ASCC3: variants seen among roughly 807,000 people sequenced by gnomAD.
The protein encoded by ASCC3 is activating signal cointegrator 1 complex subunit 3, also known as ASC-1 complex subunit P200.
A neutral mutation model predicts 256.3 loss-of-function variants in ASCC3; 158 were observed. The observed-to-expected ratio is 0.62, with a 90% CI of 0.54 to 0.70. ASCC3 has a LOEUF of 0.70. Among genes scored for constraint, ASCC3 ranks in the 30% least tolerant of loss-of-function variants. The probability of loss-of-function intolerance (pLI) is 0.00; values close to 1 mark genes in which losing one functional copy is unlikely to be tolerated. For synonymous variants in ASCC3, 948 were observed against 883.4 expected (o/e 1.07, Z -1.30); for missense variants, 2,259 against 2,626.0 (o/e 0.86, Z 3.05).
chr6:100,829,792 T>G (rs1771531123), intron 4 of ASCC3, among the ~76,000 whole-genome samples: 1 of 152,162 alleles, frequency 6.6e-6, no homozygotes, highest in Non-Finnish European at 1.5e-5. Flanking sequence ...GTATAATTTA[T>G]AAATTAGCCA....
intron 19 of ASCC3, among the ~76,000 whole-genome samples, chr6:100,651,072 C>CA (rs149417114): frequency 0.03 from 4,566 of 151,756 alleles, 76 homozygotes; most frequent in African/African-American, 0.055. Flanking sequence ...TGGATTAGGG[C>CA]AACTTGAATT....
At position 100,552,061 on chromosome 6, in the gene ASCC3, G is replaced by A. The variant is rs554434379; in HGVS notation, c.5551-11674C>T. ...TCCCAAATTTCTTATCTTAAATTTG[G>A]GTTTGGTGTGAGAATTCAATATGAT... On this transcript the variant is annotated intron_variant, in intron 36 of 41. Transcript: ENST00000369162. 1.3e-4 allele frequency among the ~76,000 whole-genome samples: 20 copies of A among 151,692 alleles called. No individual in the cohort carries two copies. The South Asian group carries it at 3.3e-3, about 25-fold the overall frequency.
At position 100,605,641 on chromosome 6, in the gene ASCC3, C is replaced by T. The variant is rs1562158088; in HGVS notation, c.5104G>A (p.Val1702Ile). The T allele has an allele frequency of 6.2e-7, 1 of 1,608,882 alleles. No individual in the cohort carries two copies. Among genetic ancestry groups the T allele is most frequent in the Non-Finnish European group, 8.5e-7 (1 of 1,175,452 alleles). Residue 1702 changes from valine (V) to isoleucine (I), a missense_variant, in exon 33 of 42, where the codon GTA becomes ATA. By Grantham distance (29) the Val-to-Ile change is conservative (BLOSUM62 3). Transcript: ENST00000369162. ...RPQFDDQGKA[V>I]ILVHDIKKDF... ...TTCTTTATGTCATGAACTAGAATTA[C>T]AGCTTTGCCTTGGTCATCGAACTGC...
At chr6:100,694,328 C>G (rs907600981) in intron 13 of ASCC3, among the ~76,000 whole-genome samples, 7 of 149,068 alleles carry the variant, frequency 4.7e-5, no homozygotes, top group Admixed American at 3.3e-4. Flanking sequence ...AAAAAAAAAG[C>G]TGGGCACAGT....
At chr6:100,830,439 G>A (rs1319153796) in intron 4 of ASCC3, among the ~76,000 whole-genome samples, 1 of 152,018 alleles carries the variant, frequency 6.6e-6, no homozygotes, top group Admixed American at 6.5e-5. Context: ...ACATTTCATG[G>A]TAGACAATCA....
chr6:100,724,283 A>G (rs1779517366), intron 11 of ASCC3, among the ~76,000 whole-genome samples: 1 of 150,580 alleles, frequency 6.6e-6, no homozygotes, highest in Non-Finnish European at 1.5e-5. Flanking sequence ...TAGAATCAAA[A>G]GTTAAAAAAA....
chr6:100,682,803 T>C (rs1418184606), intron 13 of ASCC3, among the ~76,000 whole-genome samples: 2 of 152,194 alleles, frequency 1.3e-5, no homozygotes, highest in Non-Finnish European at 2.9e-5. Flanking sequence ...TTTGTTATTT[T>C]TAGTGTGTTA....
At chr6:100,697,559 T>G (rs1160247378) in intron 13 of ASCC3, among the ~76,000 whole-genome samples, 1 of 151,832 alleles carries the variant, frequency 6.6e-6, no homozygotes, top group African/African-American at 2.4e-5. Flanking sequence ...AAAAAAAACA[T>G]TTTCAAGAAA....
intron 36 of ASCC3, among the ~76,000 whole-genome samples, chr6:100,568,640 T>G (rs1458776998): frequency 6.6e-6 from 1 of 151,822 alleles, no homozygotes; most frequent in Non-Finnish European, 1.5e-5. Flanking sequence ...TTCTGTAGGT[T>G]GTCTGTTTGG....
chr6:100,675,003 G>A (rs1202680103), intron 14 of ASCC3, among the ~76,000 whole-genome samples: 1 of 152,108 alleles, frequency 6.6e-6, no homozygotes, highest in East Asian at 1.9e-4. Flanking sequence ...ATGTTAAAAA[G>A]GCAGAGTGTG....
At chr6:100,562,245 G>T (rs1157621511) in intron 36 of ASCC3, among the ~76,000 whole-genome samples, 1 of 151,974 alleles carries the variant, frequency 6.6e-6, no homozygotes, top group Non-Finnish European at 1.5e-5. Flanking sequence ...TATTTTATTT[G>T]GTAGTAACAA....
chr6:100,516,321 C>T lies in ASCC3; in HGVS notation c.5934G>A (p.Trp1978Ter). The change falls in exon 39 of 42, where the codon TGG becomes TGA. Residue 1978 changes from tryptophan (W) to a stop codon, truncating the protein, a stop_gained. Transcript: ENST00000369162. LOFTEE classifies it high-confidence loss of function. ...CATGTGGGCCCTTCATAATCGGCTT[C>T]CATTTCCTAGGAAATAATATCAAAC... ...ENHHLHLFKK[W>*]KPIMKGPHAR... The T allele has an allele frequency of 6.2e-7, 1 of 1,613,610 alleles. No homozygotes were observed. The highest frequency in any genetic ancestry group is 8.5e-7 in the Non-Finnish European group (1 of 1,179,668).
intron 12 of ASCC3, among the ~76,000 whole-genome samples, chr6:100,716,729 A>C (rs1181839100): frequency 1.3e-5 from 2 of 151,916 alleles, no homozygotes; most frequent in Non-Finnish European, 2.9e-5. Context: ...TCCTTTCATG[A>C]TTATGATGGT....
rs1200313280 is a variant in ASCC3, at chr6:100,854,581, C to T, written c.242-5874G>A. ...ACAAAAGATTAAAAATAGTTCAAGGCATTTCCCTATGTTTTAGAAACAGCC... is the reference window on the plus strand; with the variant it reads ...ACAAAAGATTAAAAATAGTTCAAGGTATTTCCCTATGTTTTAGAAACAGCC... On this transcript the variant is annotated intron_variant, in intron 3 of 41. Transcript: ENST00000369162. Among the ~76,000 whole-genome samples, 3 of 152,222 alleles carry T rather than the reference C, an allele frequency of 2.0e-5. No individual in the cohort carries two copies. The East Asian group carries it at 5.8e-4, about 29-fold the overall frequency.
intron 13 of ASCC3, among the ~76,000 whole-genome samples, chr6:100,695,292 T>C (rs545054674): frequency 9.9e-5 from 15 of 152,162 alleles, no homozygotes; most frequent in Non-Finnish European, 1.9e-4. Flanking sequence ...ATATGCAATC[T>C]TGGACAGGGA....
intron 14 of ASCC3, among the ~76,000 whole-genome samples, chr6:100,674,546 C>T (rs1368320191): frequency 6.6e-6 from 1 of 151,298 alleles, no homozygotes; most frequent in Non-Finnish European, 1.5e-5. Context: ...CTGTTATCTT[C>T]TTTCTCTTCA....
chr6:100,703,627 A>T (rs1197912528), intron 13 of ASCC3, among the ~76,000 whole-genome samples: 1 of 151,906 alleles, frequency 6.6e-6, no homozygotes, highest in East Asian at 1.9e-4. Flanking sequence ...TCTTTGATAA[A>T]TTTTCATTAT....
At chr6:100,567,256 G>A (rs933130576) in intron 36 of ASCC3, among the ~76,000 whole-genome samples, 1 of 152,108 alleles carries the variant, frequency 6.6e-6, no homozygotes, top group Middle Eastern at 3.4e-3. Flanking sequence ...TCTATGCATA[G>A]TAATATATAT....
intron 34 of ASCC3, 152 bp downstream of exon 34, chr6:100,601,658 G>A: frequency 1.3e-6 from 1 of 798,064 alleles, no homozygotes; most frequent in Non-Finnish European, 2.0e-6. Flanking sequence ...TGTGATACCA[G>A]AGATATCATC....
Sources: allele counts gnomAD v4.1 joint callset (sites outside exome capture counted in the v4.1 genomes callset), GRCh38; gene constraint gnomAD v4.1.1; transcripts MANE v1.5; gene names NCBI Gene and HGNC (gene_info 2026-07-23, HGNC 2026-07-21).